Variants in ITPA observed in about 807,000 individuals in gnomAD.
ITPA encodes the protein inosine triphosphate pyrophosphatase.
In ITPA, 29 loss-of-function variants were observed where a neutral mutation model predicts 29.6. The ratio of observed to expected loss-of-function variants is 0.98; its 90% confidence interval spans 0.73 to 1.34. The LOEUF (loss-of-function observed/expected upper bound fraction) is 1.34, where lower values mean the gene tolerates loss of function less well. ITPA is among the 40% of genes most tolerant of loss of function. The probability of loss-of-function intolerance (pLI) is 0.00; values close to 1 mark genes in which losing one functional copy is unlikely to be tolerated. For missense variants in ITPA, 241 were observed against 251.5 expected (o/e 0.96, Z 0.28); for synonymous variants, 103 against 99.3 (o/e 1.04, Z -0.22).
upstream of ITPA, among the ~76,000 whole-genome samples, chr20:3,206,068 A>G (rs183801445): frequency 0.015 from 2,246 of 147,224 alleles, 48 homozygotes; most frequent in African/African-American, 0.054. Context: ...AAAAAAAAAA[A>G]AAAGAAAGAA....
At chr20:3,221,739 CA>C (rs2067468700) in intron 6 of ITPA, 101 bp from the exon 7 acceptor site, 3 of 1,101,042 alleles carry the variant, frequency 2.7e-6, no homozygotes, top group African/African-American at 3.1e-5. Context: ...TAAGTTGGGT[CA>C]AATCAAATTC....
downstream of ITPA, among the ~76,000 whole-genome samples, chr20:3,225,544 G>T (rs1466387166): frequency 6.6e-6 from 1 of 152,124 alleles, no homozygotes; most frequent in East Asian, 1.9e-4. Context: ...TTCCTGGAGG[G>T]TGACACCCCG....
At chr20:3,226,299 CA>C (rs1285889197), downstream of ITPA, among the ~76,000 whole-genome samples, 1 of 152,192 alleles carries the variant, frequency 6.6e-6, no homozygotes, top group African/African-American at 2.4e-5. This position sits in a 1 kb window ranked among gnomAD's most constrained non-coding sequence, Gnocchi z 4.4. Context: ...TGTCCCGTGA[CA>C]AATCCCTCGC....
chr20:3,216,528 A>G (rs1282053917), intron 5 of ITPA, among the ~76,000 whole-genome samples: 1 of 144,504 alleles, frequency 6.9e-6, no homozygotes, highest in Non-Finnish European at 1.5e-5. Context: ...ATCTCGGCTC[A>G]CTACAACCTC....
chr20:3,221,195 TTTTC>T (rs1458941920), intron 6 of ITPA, among the ~76,000 whole-genome samples: 1 of 149,962 alleles, frequency 6.7e-6, no homozygotes, highest in African/African-American at 2.5e-5. Context: ...CCTGGCCAGA[TTTTC>T]TTTTTCTTTT....
At chr20:3,225,048 A>G (rs1016157512), downstream of ITPA, among the ~76,000 whole-genome samples, 2 of 152,146 alleles carry the variant, frequency 1.3e-5, no homozygotes, top group African/African-American at 4.8e-5. Context: ...CTGCAAAAAT[A>G]CAAATATTTG....
At chr20:3,204,804 C>A (rs2067059549), upstream of ITPA, 1 of 590,520 alleles carries the variant, frequency 1.7e-6, no homozygotes, top group African/African-American at 1.9e-5. Flanking sequence ...AAGAAACCCA[C>A]AATGTTAAGA....
intron 1 of ITPA, among the ~76,000 whole-genome samples, chr20:3,212,756 T>C (rs1230762625): frequency 6.6e-6 from 1 of 152,228 alleles, no homozygotes; most frequent in African/African-American, 2.4e-5. Context: ...TTGTTACCTA[T>C]ATTCATAATT....
intron 6 of ITPA, 43 bp from the exon 7 acceptor site, chr20:3,221,798 C>G (rs761827211): frequency 1.9e-6 from 3 of 1,586,772 alleles, no homozygotes; most frequent in Non-Finnish European, 2.6e-6. Flanking sequence ...CGTGCTTGTC[C>G]TCTGGACCCA....
At chr20:3,206,750 G>A (rs2067073052), upstream of ITPA, among the ~76,000 whole-genome samples, 1 of 151,914 alleles carries the variant, frequency 6.6e-6, no homozygotes, top group Non-Finnish European at 1.5e-5. Context: ...AGAATGGTGG[G>A]GACCCGGGAG....
chr20:3,209,433 G>T, upstream of ITPA: 1 of 964,980 alleles, frequency 1.0e-6, no homozygotes, highest in Non-Finnish European at 1.6e-6. This position sits in a 1 kb window ranked among gnomAD's most constrained non-coding sequence, Gnocchi z 4.6. Context: ...GTCCGGGTCG[G>T]CTTTCCCCGG....
chr20:3,227,302 ACAGACCACAGGTGG>A, downstream of ITPA: 1 of 210,602 alleles, frequency 4.7e-6, no homozygotes, highest in Non-Finnish European at 9.7e-6. Flanking sequence ...GTTGGAGGTG[ACAGACCACAGGTGG>A]CACTCCACAA....
At chr20:3,205,347 AAGGGG>A (rs147199960), upstream of ITPA, among the ~76,000 whole-genome samples, 3,793 of 151,184 alleles carry the variant, frequency 0.025, 152 homozygotes, top group African/African-American at 0.086. Flanking sequence ...TTTTGAGGGG[AAGGGG>A]AGGGGAGGGG....
intron 4 of ITPA, 23 bp from the exon 5 acceptor site, chr20:3,215,258 A>C (rs1047822654): frequency 1.2e-6 from 2 of 1,612,990 alleles, no homozygotes; most frequent in African/African-American, 2.7e-5. Context: ...CTGGTGTCTG[A>C]CTGTCCTTTC....
At chr20:3,205,829 C>T (rs148657081), upstream of ITPA, among the ~76,000 whole-genome samples, 3,844 of 150,856 alleles carry the variant, frequency 0.025, 156 homozygotes, top group African/African-American at 0.088. Flanking sequence ...CCGAGGTGGG[C>T]GGATCACTTC....
chr20:3,215,448 A>G (rs906118917), intron 5 of ITPA, 136 bp downstream of exon 5: 8 of 759,352 alleles, frequency 1.1e-5, no homozygotes, highest in Middle Eastern at 2.5e-4. Flanking sequence ...CATTTTCCCC[A>G]TCTAGCACCT....
At chr20:3,217,132 C>T (rs1395143188) in intron 5 of ITPA, among the ~76,000 whole-genome samples, 1 of 152,190 alleles carries the variant, frequency 6.6e-6, no homozygotes, top group Non-Finnish European at 1.5e-5. Flanking sequence ...CCACCCACCT[C>T]GGCCTTCCAA....
At chr20:3,222,460 C>T (rs1237936872) in intron 7 of ITPA, among the ~76,000 whole-genome samples, 1 of 152,186 alleles carries the variant, frequency 6.6e-6, no homozygotes, top group African/African-American at 2.4e-5. Flanking sequence ...CCGCCCACCT[C>T]GGCCTCCCAA....
At chr20:3,223,021 TG>T (rs1337787539) in intron 7 of ITPA, among the ~76,000 whole-genome samples, 1 of 152,184 alleles carries the variant, frequency 6.6e-6, no homozygotes, top group Non-Finnish European at 1.5e-5. Context: ...GAGACTGCTG[TG>T]TTTGCTCTGT....
Sources: allele counts gnomAD v4.1 joint callset (sites outside exome capture counted in the v4.1 genomes callset), GRCh38; gene constraint gnomAD v4.1.1; non-coding constraint Gnocchi (gnomAD v3.1); transcripts MANE v1.5; gene names NCBI Gene and HGNC (gene_info 2026-07-23, HGNC 2026-07-21).